The following MUC12 variants were observed in gnomAD, a reference collection of about 807,000 sequenced individuals.
MUC12 encodes mucin 12, cell surface associated.
A neutral mutation model predicts 230.8 loss-of-function variants in MUC12; 172 were observed. The observed-to-expected ratio is 0.75, with a 90% CI of 0.66 to 0.85. The LOEUF is 0.85. Among genes scored for constraint, MUC12 ranks in the 40% least tolerant of loss-of-function variants. The pLI, the probability that MUC12 is intolerant of heterozygous loss-of-function variation, is 0.00. For missense variants in MUC12, 3,506 were observed against 5,920.6 expected, an observed-to-expected ratio of 0.59 and a Z score of 13.38; for synonymous variants, 1,259 against 2,401.9, an observed-to-expected ratio of 0.52 and a Z score of 13.91.
rs963584824 is a variant in MUC12, at chr7:101,015,413, C to T, written c.15801-202C>T. On this transcript the variant is annotated intron_variant, in intron 9 of 11. Coordinates refer to ENST00000536621, the MANE Select transcript of MUC12 (RefSeq NM_001164462.2). ...GAGGGCCACTAAAGGGAGTGAGGGG[C>T]AGCCAGGAGGCCTGGCCAGTGCTTG... 5 of 577,746 alleles carry T rather than the reference C, an allele frequency of 8.7e-6. No individual in the cohort carries two copies. The South Asian group carries it at 1.0e-4, about 12-fold the overall frequency. 35.8% of individuals were successfully genotyped at this position (577,746 alleles called of 1,614,324 possible).
intron 1 of MUC12, among the ~76,000 whole-genome samples, chr7:100,986,714 T>C (rs1793196740): frequency 6.6e-6 from 1 of 152,004 alleles, no homozygotes; most frequent in African/African-American, 2.4e-5. Flanking sequence ...GACTGAACCG[T>C]CTCCTCTGCC....
intron 3 of MUC12, among the ~76,000 whole-genome samples, chr7:101,007,325 C>T (rs1164422417): frequency 6.6e-6 from 1 of 152,174 alleles, no homozygotes; most frequent in Non-Finnish European, 1.5e-5. Flanking sequence ...GTGTTAAATA[C>T]TAGGTCTTAT....
intron 1 of MUC12, among the ~76,000 whole-genome samples, chr7:100,984,057 C>T (rs534069126): frequency 2.0e-5 from 3 of 152,118 alleles, no homozygotes; most frequent in South Asian, 2.1e-4. Context: ...CCATGAGGGG[C>T]GGGGGGTACA....
intron 11 of MUC12, 132 bp downstream of exon 11, chr7:101,017,795 A>G: frequency 4.4e-6 from 2 of 457,928 alleles, no homozygotes; most frequent in Non-Finnish European, 7.0e-6. Flanking sequence ...TCCCCCTGGG[A>G]CCCCTTCCCT....
chr7:100,969,966 C>T (rs1792822883), intron 1 of MUC12, among the ~76,000 whole-genome samples: 1 of 152,298 alleles, frequency 6.6e-6, no homozygotes, highest in Non-Finnish European at 1.5e-5. Flanking sequence ...GCTCTCCAGG[C>T]TCCCCCCGGG....
rs759205251 is a variant in MUC12, at chr7:100,992,332, C to T, written c.1769C>T (p.Thr590Ile). ...AGCCGCCCAGGCTCCACTGAAACAA[C>T]ACTCTTACCTGACAACACCACAGCC... is the stretch of plus-strand genomic sequence containing the variant. ...FHSRPGSTET[T>I]LLPDNTTASG... The change falls in exon 2 of 12, where the codon ACA (threonine) becomes ATA (isoleucine). Residue 590 changes from threonine to isoleucine, a missense_variant. By Grantham distance (89) the Thr-to-Ile change is moderately conservative. Coordinates refer to ENST00000536621, the MANE Select transcript of MUC12 (RefSeq NM_001164462.2). 5.2e-5 allele frequency: 80 copies of T among 1,536,658 alleles called. No homozygotes were observed. The highest frequency in any genetic ancestry group is 3.5e-6 in the Non-Finnish European group (4 of 1,146,098).
Position 100,991,797 on chromosome 7 carries a change from TA to T in MUC12, c.1235del (p.Tyr412SerfsTer101). 2 of 1,537,908 alleles carry T rather than the reference TA, an allele frequency of 1.3e-6. No homozygotes were observed. The highest frequency in any genetic ancestry group is 1.7e-6 in the Non-Finnish European group (2 of 1,147,064). On this transcript the variant is annotated frameshift_variant, in exon 2 of 12. Transcript: ENST00000536621. LOFTEE classifies it high-confidence loss of function. ...CACAGCTGCCCTAGCACATACAAGC[TA>T]CCACAGCAGCCTGGGCTCAACTGAA... ...STTAALAHTS[Y>X]HSSLGSTETT...
rs1414045561 is a variant in MUC12 at position 100,991,162 on chromosome 7, C to A, written c.599C>A (p.Pro200His). The A allele has an allele frequency of 6.5e-7, 1 of 1,537,650 alleles. No individual in the cohort carries two copies. The highest frequency in any genetic ancestry group is 1.4e-5 in the African/African-American group (1 of 73,136). Residue 200 changes from proline to histidine, a missense_variant, in exon 2 of 12, where the codon CCC becomes CAC. Pro to His is a moderately conservative substitution (Grantham distance 77, BLOSUM62 -2). Transcript: ENST00000536621. ...SQESTASHSIPGSTDTTLSPG... is the reference protein window; with the variant it reads ...SQESTASHSIHGSTDTTLSPG... ...GAATCTACAGCTTCCCACAGCATCC[C>A]CGGCTCCACAGACACAACACTGTCC... is the stretch of plus-strand genomic sequence containing the variant.
chr7:100,990,557 A>G (rs1793264094), intron 1 of MUC12, 74 bp from the exon 2 acceptor site: 8 of 1,517,536 alleles, frequency 5.3e-6, no homozygotes, highest in South Asian at 1.2e-5. Flanking sequence ...CGGATGTGTC[A>G]GAATTGACTG....
chr7:100,972,185 G>C, intron 1 of MUC12: 2 of 703,268 alleles, frequency 2.8e-6, no homozygotes, highest in Non-Finnish European at 5.2e-6. Context: ...GGAGATCTGT[G>C]TAAGGAAGTC....
Position 101,004,573 on chromosome 7 carries a change from T to C in MUC12, c.14010T>C (p.Phe4670=), listed in dbSNP as rs546837208. The stretch of plus-strand genomic sequence containing the variant: ...CGGGCTCAATTGCAACAACACACTT[T>C]CCTGAGAGCTCCACAACCTCCGGCC... ...SSPGSIATTH[F]PESSTTSGRS... is the part of the protein sequence containing the mutation. The change falls in exon 2 of 12, where the codon TTT becomes TTC. Residue 4670 remains phenylalanine, a synonymous_variant. Transcript: ENST00000536621. 844 of 1,535,666 alleles carry C rather than the reference T, an allele frequency of 5.5e-4. No homozygotes were observed. The highest frequency in any genetic ancestry group is 6.8e-4 in the Non-Finnish European group (777 of 1,146,110).
intron 9 of MUC12, chr7:101,015,230 G>A (rs1793897589): frequency 1.3e-5 from 3 of 236,312 alleles, no homozygotes; most frequent in Non-Finnish European, 2.5e-5. Flanking sequence ...ACCACATGGG[G>A]AAGCTGAGAT....
chr7:101,011,197 G>A (rs1793836251), intron 5 of MUC12, among the ~76,000 whole-genome samples: 1 of 152,168 alleles, frequency 6.6e-6, no homozygotes, highest in Non-Finnish European at 1.5e-5. Flanking sequence ...CCTTGCAGCA[G>A]GGAAGAGAGG....
In MUC12 at chr7:101,004,595, G is replaced by A. The variant is rs185710659; in HGVS notation, c.14032G>A (p.Gly4678Ser). The change falls in exon 2 of 12, where the codon GGC (glycine) becomes AGC (serine). Residue 4678 changes from glycine (G) to serine (S), a missense_variant. Physicochemically the swap from Gly to Ser is moderately conservative, Grantham distance 56. Transcript: ENST00000536621. ...CTTTCCTGAGAGCTCCACAACCTCC[G>A]GCCGTAGTGAGGAATCAACAGCATC... ...THFPESSTTS[G>S]RSEESTASHS... is the part of the protein sequence containing the mutation. 179 of 1,536,694 alleles carry A rather than the reference G, an allele frequency of 1.2e-4. No homozygotes were observed. Among genetic ancestry groups the A allele is most frequent in the Non-Finnish European group, 1.4e-4 (155 of 1,146,220 alleles).
chr7:101,013,589 A>G (rs1329516263), intron 8 of MUC12, among the ~76,000 whole-genome samples: 1 of 152,146 alleles, frequency 6.6e-6, no homozygotes, highest in Non-Finnish European at 1.5e-5. Context: ...CAAAAGAAAA[A>G]CCATGATAAC....
chr7:101,004,588 A>C lies in MUC12; in HGVS notation c.14025A>C (p.Thr4675=). 1.3e-6 allele frequency: 2 copies of C among 1,537,276 alleles called. No homozygotes were observed. The highest frequency in any genetic ancestry group is 1.4e-5 in the African/African-American group (1 of 73,016). Residue 4675 remains threonine, a synonymous_variant, in exon 2 of 12, where the codon ACA becomes ACC. Transcript: ENST00000536621. ...CAACACACTTTCCTGAGAGCTCCAC[A>C]ACCTCCGGCCGTAGTGAGGAATCAA... ...IATTHFPESS[T]TSGRSEESTA... is the part of the protein sequence containing the mutation.
At chr7:100,971,787 C>G (rs1440781536) in intron 1 of MUC12, among the ~76,000 whole-genome samples, 1 of 152,310 alleles carries the variant, frequency 6.6e-6, no homozygotes, top group Non-Finnish European at 1.5e-5. Flanking sequence ...CCTAGCAGAT[C>G]TCTGTAGTCA....
rs150809868 is a variant in MUC12, at chr7:101,005,260, A to C, written c.14697A>C (p.Thr4899=). The C allele has an allele frequency of 2.1e-5, 32 of 1,537,858 alleles. No homozygotes were observed. Among genetic ancestry groups the C allele is most frequent in the Middle Eastern group, 1.7e-4 (1 of 5,996 alleles). The change falls in exon 2 of 12, where the codon ACA becomes ACC. Residue 4899 remains threonine (T), a synonymous_variant. Coordinates refer to ENST00000536621, the MANE Select transcript of MUC12 (RefSeq NM_001164462.2). ...HTVLPATLTT[T]DIGQESTAFH... is the part of the protein sequence containing the mutation. ...TGTTACCTGCCACCCTCACAACCAC[A>C]GACATTGGTCAGGAATCAACAGCCT...
intron 1 of MUC12, among the ~76,000 whole-genome samples, chr7:100,980,577 T>C (rs915558900): frequency 3.3e-5 from 5 of 152,218 alleles, no homozygotes. Flanking sequence ...AAATTTTATT[T>C]TATATCTGCA....
Sources: gnomAD v4.1 joint callset for allele counts (sites outside exome capture counted in the v4.1 genomes callset) on GRCh38, gnomAD v4.1.1 for gene constraint, MANE v1.5 for transcripts, NCBI Gene and HGNC (gene_info 2026-07-23, HGNC 2026-07-21) for gene names.